CCDC169: variants seen among roughly 807,000 people sequenced by gnomAD.
CCDC169 encodes the protein coiled-coil domain-containing protein 169.
In CCDC169, 30 loss-of-function variants were observed where a neutral mutation model predicts 36.0. That is an observed-to-expected ratio of 0.83 (90% CI 0.62 to 1.13). CCDC169 has a LOEUF of 1.13. Among genes scored for constraint, CCDC169 ranks in the 50% most tolerant of loss-of-function variants. The pLI, the probability that CCDC169 is intolerant of heterozygous loss-of-function variation, is 0.00. For synonymous variants in CCDC169, 85 were observed against 81.5 expected (o/e 1.04, Z -0.23); for missense variants, 245 against 245.9 (o/e 1.00, Z 0.03).
intron 4 of CCDC169, among the ~76,000 whole-genome samples, chr13:36,269,549 A>G (rs1373663192): frequency 6.6e-6 from 1 of 152,230 alleles, no homozygotes; most frequent in East Asian, 1.9e-4. Context: ...ACTGAATCCA[A>G]CAGCACATCA....
At chr13:36,296,345 G>A (rs946915254) in intron 1 of CCDC169, among the ~76,000 whole-genome samples, 5 of 152,072 alleles carry the variant, frequency 3.3e-5, no homozygotes, top group East Asian at 1.9e-4. Context: ...GCCCAGCCTC[G>A]GCCTCCCAAA....
Position 36,283,573 on chromosome 13 carries a change from C to A in CCDC169, c.274+19G>T, listed in dbSNP as rs772616109. On this transcript the variant is annotated intron_variant, in intron 3 of 7. Coordinates refer to ENST00000239859, the MANE Select transcript of CCDC169 (RefSeq NM_001144981.3). Reference sequence around the variant, plus strand: ...GTTTTAACTCAAATTATAAAATGTACATATGATTGGTTTTGTACCTGAAGA... The same window carrying A: ...GTTTTAACTCAAATTATAAAATGTAAATATGATTGGTTTTGTACCTGAAGA... 6.4e-7 allele frequency: 1 copy of A among 1,551,078 alleles called. No individual in the cohort carries two copies. The highest frequency in any genetic ancestry group is 1.2e-5 in the South Asian group (1 of 84,014).
chr13:36,252,002 G>T (rs2138467345), intron 6 of CCDC169, among the ~76,000 whole-genome samples: 1 of 152,316 alleles, frequency 6.6e-6, no homozygotes, highest in African/African-American at 2.4e-5. Context: ...AGGTGAGGAA[G>T]GAAATTAAGG....
At chr13:36,295,734 A>G in intron 2 of CCDC169, 44 bp downstream of exon 2, 1 of 995,958 alleles carries the variant, frequency 1.0e-6, no homozygotes, top group Non-Finnish European at 1.5e-6. Context: ...TAAAATGAAC[A>G]ATAATTATAC....
chr13:36,271,324 C>T (rs1876024603), intron 4 of CCDC169, among the ~76,000 whole-genome samples: 2 of 152,116 alleles, frequency 1.3e-5, no homozygotes, highest in Non-Finnish European at 2.9e-5. Context: ...TAAATTAGTA[C>T]AACCTCTATA....
At chr13:36,232,936 G>A (rs1182390367) in intron 7 of CCDC169, among the ~76,000 whole-genome samples, 1 of 152,084 alleles carries the variant, frequency 6.6e-6, no homozygotes, top group Non-Finnish European at 1.5e-5. Context: ...TATATTTCTT[G>A]GAATCTAGAA....
chr13:36,282,422 T>C, intron 4 of CCDC169: 1 of 985,422 alleles, frequency 1.0e-6, no homozygotes, highest in Non-Finnish European at 1.2e-6. Flanking sequence ...TTTTGCTTAG[T>C]AATTGGACAC....
At chr13:36,285,276 C>T (rs1004091838) in intron 2 of CCDC169, among the ~76,000 whole-genome samples, 13 of 152,254 alleles carry the variant, frequency 8.5e-5, no homozygotes, top group Admixed American at 3.9e-4. Flanking sequence ...CAGCCAGGCA[C>T]GGTGGCTCAC....
chr13:36,235,774 G>A (rs1299584578), intron 7 of CCDC169, among the ~76,000 whole-genome samples: 6 of 151,760 alleles, frequency 4.0e-5, no homozygotes, highest in Non-Finnish European at 8.9e-5. Context: ...ACACATACAT[G>A]CATTTATGAG....
intron 7 of CCDC169, among the ~76,000 whole-genome samples, chr13:36,245,710 A>G (rs775153538): frequency 3.2e-4 from 48 of 152,202 alleles, no homozygotes; most frequent in Non-Finnish European, 6.2e-4. Flanking sequence ...TTTCCTGACT[A>G]AAAAGGGTAG....
intron 7 of CCDC169, among the ~76,000 whole-genome samples, chr13:36,244,901 ATTTAT>A (rs1477068877): frequency 2.6e-5 from 4 of 152,150 alleles, no homozygotes; most frequent in Non-Finnish European, 4.4e-5. Flanking sequence ...CTTTGTCAGA[ATTTAT>A]TTTAATACTT....
chr13:36,285,614 G>GATAGATAGATACATAGATACATAGATAC (rs568184993), intron 2 of CCDC169, among the ~76,000 whole-genome samples: 10 of 138,176 alleles, frequency 7.2e-5, no homozygotes, highest in African/African-American at 2.4e-4. Context: ...TAGATAGATA[G>GATAGATAGATACATAGATACATAGATAC]ATAGATACAT....
chr13:36,248,299 T>C (rs1383931045), intron 7 of CCDC169, among the ~76,000 whole-genome samples: 1 of 152,102 alleles, frequency 6.6e-6, no homozygotes, highest in African/African-American at 2.4e-5. Flanking sequence ...AAGGTATGCC[T>C]GTGTTTATGT....
chr13:36,270,366 A>G (rs886975355), intron 4 of CCDC169, among the ~76,000 whole-genome samples: 1 of 152,218 alleles, frequency 6.6e-6, no homozygotes, highest in Admixed American at 6.5e-5. Flanking sequence ...CATACATTCA[A>G]TGCAATTCCC....
intron 6 of CCDC169, among the ~76,000 whole-genome samples, chr13:36,249,099 T>C (rs188851076): frequency 6.6e-6 from 1 of 152,318 alleles, no homozygotes; most frequent in Non-Finnish European, 1.5e-5. Flanking sequence ...TATCTTGAAA[T>C]TCCTCCAGGA....
At chr13:36,265,199 T>C (rs1366288625) in intron 4 of CCDC169, among the ~76,000 whole-genome samples, 2 of 152,204 alleles carry the variant, frequency 1.3e-5, no homozygotes, top group African/African-American at 4.8e-5. Flanking sequence ...TTTATCCAGA[T>C]TTCAGGGTAG....
At chr13:36,283,768 CATT>C in intron 2 of CCDC169, 66 bp from the exon 3 acceptor site, 1 of 1,206,188 alleles carries the variant, frequency 8.3e-7, no homozygotes, top group Non-Finnish European at 1.2e-6. Context: ...ATTAAAATAA[CATT>C]ATGAGCTTGA....
chr13:36,244,037 T>A (rs951950875), intron 7 of CCDC169, among the ~76,000 whole-genome samples: 2 of 152,210 alleles, frequency 1.3e-5, no homozygotes, highest in Admixed American at 1.3e-4. Flanking sequence ...CAAATTTGAA[T>A]AACAGAGGTA....
downstream of CCDC169, among the ~76,000 whole-genome samples, chr13:36,227,895 AT>A (rs1392068917): frequency 5.9e-5 from 9 of 152,206 alleles, no homozygotes; most frequent in African/African-American, 1.7e-4. Flanking sequence ...TATTTGGGAC[AT>A]TTCATATAAA....
Sources: gnomAD v4.1 joint callset for allele counts (sites outside exome capture counted in the v4.1 genomes callset) on GRCh38, gnomAD v4.1.1 for gene constraint, MANE v1.5 for transcripts, NCBI Gene and HGNC (gene_info 2026-07-23, HGNC 2026-07-21) for gene names.